Variants in BRCA2 observed in about 807,000 individuals in gnomAD.
BRCA2 encodes the protein BRCA2 DNA repair associated.
Under a neutral mutation model 276.7 loss-of-function variants are expected in BRCA2, and 203 were observed. The observed-to-expected ratio is 0.73, with a 90% CI of 0.65 to 0.82. The LOEUF is 0.82. Ranked by LOEUF, BRCA2 falls within the 40% of genes least tolerant of loss-of-function variation. The probability of loss-of-function intolerance (pLI) is 0.00; values close to 1 mark genes in which losing one functional copy is unlikely to be tolerated. For synonymous variants in BRCA2, 1,289 were observed against 1,338.4 expected (o/e 0.96, Z 0.81); for missense variants, 3,920 against 3,915.0 (o/e 1.00, Z -0.03).
chr13:32,339,187 T>C lies in BRCA2; in HGVS notation c.4832T>C (p.Val1611Ala), dbSNP rs1555283950. 1 of 1,613,764 alleles carries C rather than the reference T, an allele frequency of 6.2e-7. No homozygotes were observed. ...AACCTTGTTTCTATTGAGACTGTGG[T>C]GCCACCTAAGCTCTTAAGTGATAAT... Reference protein sequence around the residue: ...DKNLVSIETVVPPKLLSDNLC... With the variant: ...DKNLVSIETVAPPKLLSDNLC... Residue 1611 changes from valine (V) to alanine (A), a missense_variant, in exon 11 of 27, where the codon GTG becomes GCG. By Grantham distance (64) the Val-to-Ala change is moderately conservative. Around this residue, in one of 2 missense-constraint regions of BRCA2, gnomAD observed 3,263 missense variants for 3,156.9 expected, o/e 1.03. Transcript: ENST00000380152.
chr13:32,356,731 A>AATG, intron 15 of BRCA2, 122 bp downstream of exon 15: 1 of 1,209,032 alleles, frequency 8.3e-7, no homozygotes, highest in Non-Finnish European at 1.2e-6. Flanking sequence ...TGGATGAATG[A>AATG]AATCATCATA....
At position 32,370,503 on chromosome 13, in the gene BRCA2, T is replaced by C; in HGVS notation, c.8433T>C (p.Asp2811=). 6.2e-7 allele frequency: 1 copy of C among 1,614,046 alleles called. No homozygotes were observed. Among genetic ancestry groups the C allele is most frequent in the Non-Finnish European group, 8.5e-7 (1 of 1,179,878 alleles). Residue 2811 remains aspartate (D), a synonymous_variant, in exon 19 of 27, where the codon GAT becomes GAC. Coordinates refer to ENST00000380152, the MANE Select transcript of BRCA2 (RefSeq NM_000059.4). ...TGCCCTTATCATCGCTTTTCAGTGA[T>C]GGAGGAAATGTTGGTTGTGTTGATG... ...FPLPLSSLFS[D]GGNVGCVDVI... is the part of the protein sequence containing the mutation.
At chr13:32,341,326 T>G in intron 11 of BRCA2, 130 bp downstream of exon 11, 2 of 1,299,512 alleles carry the variant, frequency 1.5e-6, no homozygotes, top group Non-Finnish European at 1.1e-6. Flanking sequence ...GTAGTCAGTT[T>G]GGGGGAGTAT....
rs2137509353 is a variant in BRCA2 at position 32,339,066 on chromosome 13, G to A, written c.4711G>A (p.Glu1571Lys). ...HQWAKTLKYR[E>K]ACKDLELACE... ...ATGGGCAAAGACCCTAAAGTACAGA[G>A]AGGCCTGTAAAGACCTTGAATTAGC... Residue 1571 changes from glutamate (E) to lysine (K), a missense_variant, in exon 11 of 27, where the codon GAG becomes AAG. Physicochemically the swap from Glu to Lys is moderately conservative, Grantham distance 56. This residue lies in a region of BRCA2 where 3,263 missense variants were observed against 3,156.9 expected (regional missense o/e 1.03). Transcript: ENST00000380152. 1.2e-6 allele frequency: 2 copies of A among 1,614,014 alleles called. No individual in the cohort carries two copies. The highest frequency in any genetic ancestry group is 2.2e-5 in the East Asian group (1 of 44,874).
At chr13:32,331,231 T>C (rs2072389562) in intron 9 of BRCA2, among the ~76,000 whole-genome samples, 1 of 152,142 alleles carries the variant, frequency 6.6e-6, no homozygotes, top group Admixed American at 6.5e-5. Context: ...ATTGTATTTT[T>C]AGTAGAGATG....
intron 24 of BRCA2, among the ~76,000 whole-genome samples, chr13:32,386,292 C>T (rs759874589): frequency 1.3e-4 from 20 of 152,138 alleles, no homozygotes; most frequent in Non-Finnish European, 2.6e-4. Context: ...CCTGTAATCC[C>T]AGCTACTCAG....
At position 32,340,119 on chromosome 13, in the gene BRCA2, GC is replaced by G. The variant is rs1246727663; in HGVS notation, c.5765del (p.Ala1922ValfsTer41). On this transcript the variant is annotated frameshift_variant, in exon 11 of 27. Transcript: ENST00000380152. LOFTEE classifies it high-confidence loss of function. ...ECSTHSHKVF[A>X]DIQSEEILQH... ...TAGCACGCATTCACATAAGGTTTTT[GC>G]TGACATTCAGAGTGAAGAAATTTTA... 6.2e-7 allele frequency: 1 copy of G among 1,613,414 alleles called. No homozygotes were observed.
At position 32,323,151 on chromosome 13, in the gene BRCA2, A is replaced by ATT. The variant is rs200414858; in HGVS notation, c.317-1908_317-1907dup. Among the ~76,000 whole-genome samples, 256 of 135,836 alleles carry ATT rather than the reference A, an allele frequency of 1.9e-3. 6 individuals carry two copies. In the East Asian group the frequency reaches 0.03, roughly 16 times the overall value. The allele number at this position is 135,836 out of a possible 152,430, so 89.1% of individuals were successfully genotyped here. A position where few individuals can be genotyped will look rare whatever the true frequency, so the allele number is the denominator to read the frequency against. On this transcript the variant is annotated intron_variant, in intron 3 of 26. Transcript: ENST00000380152. Reference sequence around the variant, plus strand: ...GGTACCTCATTGTTTGTTTTATTTAATTTTTTTTTTTTTTTTTTGGAGATG... The same window carrying ATT: ...GGTACCTCATTGTTTGTTTTATTTAATTTTTTTTTTTTTTTTTTTTGGAGATG...
chr13:32,337,703 T>C lies in BRCA2; in HGVS notation c.3348T>C (p.Thr1116=), dbSNP rs1593899278. Residue 1116 remains threonine, a synonymous_variant, in exon 11 of 27, where the codon ACT becomes ACC. Transcript: ENST00000380152. Reference sequence around the variant, plus strand: ...AGGCAGAAATTACAGAACTTTCTACTATATTAGAAGAATCAGGAAGTCAGT... The same window carrying C: ...AGGCAGAAATTACAGAACTTTCTACCATATTAGAAGAATCAGGAAGTCAGT... ...SQKAEITELS[T]ILEESGSQFE... is the part of the protein sequence containing the mutation. The C allele has an allele frequency of 6.2e-7, 1 of 1,607,616 alleles. No individual in the cohort carries two copies. The highest frequency in any genetic ancestry group is 1.3e-5 in the African/African-American group (1 of 74,704).
chr13:32,328,774 G>A (rs892347261), intron 7 of BRCA2, among the ~76,000 whole-genome samples: 2 of 152,046 alleles, frequency 1.3e-5, no homozygotes, highest in Non-Finnish European at 2.9e-5. Flanking sequence ...AATTTAATGA[G>A]GTGTCCTGTA....
At chr13:32,343,048 GAA>G (rs398022213) in intron 11 of BRCA2, among the ~76,000 whole-genome samples, 8 of 142,268 alleles carry the variant, frequency 5.6e-5, no homozygotes, top group African/African-American at 1.0e-4. Context: ...GACTCCATCT[GAA>G]AAAAAAAAAA....
rs80358799 is a variant in BRCA2 at position 32,340,092 on chromosome 13, T to G, written c.5737T>G (p.Cys1913Gly). Residue 1913 changes from cysteine to glycine, a missense_variant, in exon 11 of 27, where the codon TGT becomes GGT. Physicochemically the swap from Cys to Gly is radical, Grantham distance 159 (BLOSUM62 -3). Around this residue, in one of 2 missense-constraint regions of BRCA2, gnomAD observed 3,263 missense variants for 3,156.9 expected, o/e 1.03. Coordinates refer to ENST00000380152, the MANE Select transcript of BRCA2 (RefSeq NM_000059.4). The part of the protein sequence containing the change: ...ILHNSLDNDE[C>G]STHSHKVFAD... ...TCATAACTCTCTAGATAATGATGAA[T>G]GTAGCACGCATTCACATAAGGTTTT... The G allele has an allele frequency of 1.6e-5, 26 of 1,613,826 alleles. No homozygotes were observed. The highest frequency in any genetic ancestry group is 2.2e-5 in the Non-Finnish European group (26 of 1,179,890).
In BRCA2 at chr13:32,394,728, A is replaced by G. The variant is rs730881571; in HGVS notation, c.9296A>G (p.Asn3099Ser). 3.7e-6 allele frequency: 6 copies of G among 1,613,796 alleles called. No individual in the cohort carries two copies. Among genetic ancestry groups the G allele is most frequent in the South Asian group, 3.3e-5 (3 of 91,034 alleles). The change falls in exon 25 of 27, where the codon AAT (asparagine) becomes AGT (serine). Residue 3099 changes from asparagine (N) to serine (S), a missense_variant. By Grantham distance (46) the Asn-to-Ser change is conservative. Transcript: ENST00000380152. The stretch of plus-strand genomic sequence containing the variant: ...GTCTATTTGTCAGACGAATGTTACA[A>G]TTTACTGGCAATAAAGTTTTGGATA... Reference protein sequence around the residue: ...PFVYLSDECYNLLAIKFWIDL... With the variant: ...PFVYLSDECYSLLAIKFWIDL...
At chr13:32,352,229 C>CT (rs879682221) in intron 13 of BRCA2, among the ~76,000 whole-genome samples, 178 of 147,146 alleles carry the variant, frequency 1.2e-3, no homozygotes, top group African/African-American at 2.4e-3. Context: ...TTTTTCATTT[C>CT]TTTTTTTTTT....
intron 19 of BRCA2, 72 bp downstream of exon 19, chr13:32,370,629 A>T (rs2137598633): frequency 6.6e-7 from 1 of 1,524,434 alleles, no homozygotes; most frequent in South Asian, 1.2e-5. Context: ...TTTGTTTGAG[A>T]TGGAGTTTCG....
At chr13:32,378,131 A>T (rs1289611531) in intron 21 of BRCA2, among the ~76,000 whole-genome samples, 1 of 152,214 alleles carries the variant, frequency 6.6e-6, no homozygotes, top group Admixed American at 6.5e-5. Flanking sequence ...GCATTCTATG[A>T]ATCATCATGA....
chr13:32,368,001 C>CTTTTTTTTTT lies in BRCA2; in HGVS notation c.8332-2374_8332-2365dup, dbSNP rs71071031. Among the ~76,000 whole-genome samples, 28 of 50,768 alleles carry CTTTTTTTTTT rather than the reference C, an allele frequency of 5.5e-4. 6 individuals carry two copies. The highest frequency in any genetic ancestry group is 7.4e-4 in the African/African-American group (9 of 12,230). 33.3% of individuals were successfully genotyped at this position (50,768 alleles called of 152,430 possible). A position where few individuals can be genotyped will look rare whatever the true frequency, so the allele number is the denominator to read the frequency against. ...ATTAGGGTTGTCTTTTCTTCTAATT[C>CTTTTTTTTTT]TTTTTTTTTTTTTTTTTTTTTTTTT... On this transcript the variant is annotated intron_variant, in intron 18 of 26. Transcript: ENST00000380152.
Position 32,333,123 on chromosome 13 carries a change from AAGG to A in BRCA2, c.1650_1652del (p.Glu550del), listed in dbSNP as rs2072418473. ...GGAAATACATACTGTTTGCTCACAG[AAGG>A]AGGACTCCTTATGTCCAAATTTAAT... On this transcript the variant is annotated inframe_deletion, in exon 10 of 27. Transcript: ENST00000380152. The A allele has an allele frequency of 1.2e-6, 2 of 1,613,960 alleles. No individual in the cohort carries two copies. Among genetic ancestry groups the A allele is most frequent in the African/African-American group, 1.3e-5 (1 of 74,934 alleles).
chr13:32,397,342 T>G (rs923465109), intron 26 of BRCA2, among the ~76,000 whole-genome samples: 9 of 152,254 alleles, frequency 5.9e-5, no homozygotes, highest in Non-Finnish European at 8.8e-5. Context: ...GTTTGTAAGC[T>G]GTTTCTAAGC....
Sources: allele counts gnomAD v4.1 joint callset (sites outside exome capture counted in the v4.1 genomes callset), GRCh38; gene constraint gnomAD v4.1.1; regional missense constraint gnomAD v4.1.1; transcripts MANE v1.5; gene names NCBI Gene and HGNC (gene_info 2026-07-23, HGNC 2026-07-21).